ACTN2: variants seen among roughly 807,000 people sequenced by gnomAD.
The protein encoded by ACTN2 is alpha-actinin-2.
ACTN2 carries 39 observed loss-of-function variants against 113.8 expected under a neutral mutation model. That is an observed-to-expected ratio of 0.34 (90% confidence interval 0.27 to 0.45). ACTN2 has a LOEUF of 0.45. Ranked by LOEUF, ACTN2 falls within the 20% of genes least tolerant of loss-of-function variation. The probability of loss-of-function intolerance (pLI) is 1.00; values close to 1 mark genes in which losing one functional copy is unlikely to be tolerated. For missense variants in ACTN2, 992 were observed against 1,177.9 expected, an observed-to-expected ratio of 0.84 and a Z score of 2.31; for synonymous variants, 429 against 444.1, an observed-to-expected ratio of 0.97 and a Z score of 0.43.
chr1:236,749,380 T>A, intron 14 of ACTN2, 116 bp downstream of exon 14: 1 of 1,420,152 alleles, frequency 7.0e-7, no homozygotes, highest in Non-Finnish European at 9.6e-7. Flanking sequence ...TTAACAAATG[T>A]GGCTAGAAAG....
At chr1:236,761,432 C>CGCGT (rs1659705112) in intron 20 of ACTN2, among the ~76,000 whole-genome samples, 3 of 150,426 alleles carry the variant, frequency 2.0e-5, no homozygotes, top group African/African-American at 4.9e-5. Context: ...TTTGTACTTG[C>CGCGT]GTGTGTGTGT....
At chr1:236,699,883 T>C (rs1657623620) in intron 1 of ACTN2, among the ~76,000 whole-genome samples, 1 of 152,200 alleles carries the variant, frequency 6.6e-6, no homozygotes, top group Admixed American at 6.5e-5. Flanking sequence ...AAAATAAGTT[T>C]GAATGGTTAA....
chr1:236,744,659 A>C lies in ACTN2; in HGVS notation c.1289A>C (p.Glu430Ala). Residue 430 changes from glutamate to alanine, a missense_variant, in exon 12 of 21, where the codon GAG becomes GCG. Physicochemically the swap from Glu to Ala is moderately radical, Grantham distance 107. Coordinates refer to ENST00000366578, the MANE Select transcript of ACTN2 (RefSeq NM_001103.4). ...CAGATCTTGCTGCAGAAGGATTACGAGTCGGCGTCGCTGACAGAGGTGCGG... is the reference window on the plus strand; with the variant it reads ...CAGATCTTGCTGCAGAAGGATTACGCGTCGGCGTCGCTGACAGAGGTGCGG... ...KEQILLQKDY[E>A]SASLTEVRAL... The C allele has an allele frequency of 6.2e-7, 1 of 1,614,222 alleles. No individual in the cohort carries two copies. Among genetic ancestry groups the C allele is most frequent in the Non-Finnish European group, 8.5e-7 (1 of 1,180,036 alleles).
chr1:236,744,186 T>C (rs1388641090), intron 11 of ACTN2, among the ~76,000 whole-genome samples: 2 of 152,248 alleles, frequency 1.3e-5, no homozygotes, highest in East Asian at 3.9e-4. Flanking sequence ...ACACAGAGTA[T>C]AGCTTTCAAA....
At chr1:236,751,743 C>T (rs780387506) in intron 15 of ACTN2, 91 bp downstream of exon 15, 67 of 1,471,674 alleles carry the variant, frequency 4.6e-5, no homozygotes, top group South Asian at 8.1e-5. Flanking sequence ...CTTAGGGTGA[C>T]GGCCTCATTT....
At chr1:236,707,214 A>T (rs1657850783) in intron 1 of ACTN2, among the ~76,000 whole-genome samples, 1 of 152,258 alleles carries the variant, frequency 6.6e-6, no homozygotes, top group South Asian at 2.1e-4. Flanking sequence ...AAATGAAGAT[A>T]TGTTAATGAT....
intron 6 of ACTN2, among the ~76,000 whole-genome samples, chr1:236,728,469 C>T (rs963694343): frequency 6.6e-6 from 1 of 152,160 alleles, no homozygotes; most frequent in African/African-American, 2.4e-5. Flanking sequence ...AAGTCAAGTT[C>T]CCTTGACTTT....
At position 236,755,009 on chromosome 1, in the gene ACTN2, C is replaced by T. The variant is rs755456595; in HGVS notation, c.1975-10C>T. 3 of 1,614,104 alleles carry T rather than the reference C, an allele frequency of 1.9e-6. No homozygotes were observed. The highest frequency in any genetic ancestry group is 2.5e-6 in the Non-Finnish European group (3 of 1,180,000). On this transcript the variant is annotated splice_polypyrimidine_tract_variant and intron_variant, in intron 16 of 20. Coordinates refer to ENST00000366578, the MANE Select transcript of ACTN2 (RefSeq NM_001103.4). ...GCTTCTCTCTCTGCTTGCTCACTCGCCCCCCTCAGGAGATTGCCCGGAGCT... is the reference window on the plus strand; with the variant it reads ...GCTTCTCTCTCTGCTTGCTCACTCGTCCCCCTCAGGAGATTGCCCGGAGCT...
Position 236,698,528 on chromosome 1 carries a change from A to G in ACTN2, c.126+11729A>G, listed in dbSNP as rs549843909. Among the ~76,000 whole-genome samples the G allele has an allele frequency of 5.3e-5, 8 of 152,288 alleles. No individual in the cohort carries two copies. The East Asian group carries it at 1.5e-3, about 29-fold the overall frequency. ...TGGTCAGATTAGAAAAATACAAACC[A>G]TGCGTTTTGTGTTTTATAGACTGTA... On this transcript the variant is annotated intron_variant, in intron 1 of 20. Coordinates refer to ENST00000366578, the MANE Select transcript of ACTN2 (RefSeq NM_001103.4).
chr1:236,711,940 G>C (rs940760292), intron 1 of ACTN2, among the ~76,000 whole-genome samples: 3 of 152,108 alleles, frequency 2.0e-5, no homozygotes, highest in Non-Finnish European at 1.5e-5. Context: ...TTTCTTCTGT[G>C]GTCTGTATCT....
At chr1:236,719,485 T>C (rs1478695090) in intron 3 of ACTN2, among the ~76,000 whole-genome samples, 5 of 152,180 alleles carry the variant, frequency 3.3e-5, no homozygotes, top group Non-Finnish European at 4.4e-5. Flanking sequence ...TTCTCTTTAT[T>C]TGATTATTTA....
intron 4 of ACTN2, 24 bp from the exon 5 acceptor site, chr1:236,725,909 A>G (rs1311299548): frequency 2.5e-6 from 4 of 1,612,296 alleles, no homozygotes; most frequent in East Asian, 4.5e-5. Flanking sequence ...CCCTGGGGCC[A>G]CTTTTTCTTG....
intron 10 of ACTN2, among the ~76,000 whole-genome samples, chr1:236,742,419 T>G (rs1370592704): frequency 6.6e-6 from 1 of 152,060 alleles, no homozygotes; most frequent in African/African-American, 2.4e-5. Context: ...AGAGTTGTTT[T>G]GGAAGCCAGG....
chr1:236,734,494 T>G, intron 7 of ACTN2: 1 of 1,535,650 alleles, frequency 6.5e-7, no homozygotes, highest in Non-Finnish European at 8.7e-7. Flanking sequence ...CCTGTTACTA[T>G]CATGCTTTTG....
intron 1 of ACTN2, among the ~76,000 whole-genome samples, chr1:236,695,414 GAA>G (rs58669150): frequency 8.7e-5 from 9 of 102,928 alleles, no homozygotes; most frequent in African/African-American, 1.1e-4. Context: ...TGCTGTGTCT[GAA>G]AAAAAAAAAA....
At chr1:236,720,045 A>C in intron 3 of ACTN2, 60 bp from the exon 4 acceptor site, 1 of 1,219,038 alleles carries the variant, frequency 8.2e-7, no homozygotes, top group South Asian at 1.2e-5. Context: ...TATATATAGG[A>C]AAAAAGTTAC....
rs560986621 is a variant in ACTN2, at chr1:236,734,113, G to A, written c.698-1522G>A. 2.6e-5 allele frequency among the ~76,000 whole-genome samples: 4 copies of A among 152,300 alleles called. No homozygotes were observed. The South Asian group carries it at 8.3e-4, about 32-fold the overall frequency. Reference sequence around the variant, plus strand: ...AGTAATAGAAAGTCCTGGTGAGTGTGCTGGTGTGTGCACTCTGTTCAATTC... The same window carrying A: ...AGTAATAGAAAGTCCTGGTGAGTGTACTGGTGTGTGCACTCTGTTCAATTC... On this transcript the variant is annotated intron_variant, in intron 7 of 20. Coordinates refer to ENST00000366578, the MANE Select transcript of ACTN2 (RefSeq NM_001103.4).
chr1:236,733,751 T>C (rs1212853557), intron 7 of ACTN2, among the ~76,000 whole-genome samples: 1 of 152,134 alleles, frequency 6.6e-6, no homozygotes. Context: ...CAGGTCCAGG[T>C]CTCCTCAGAT....
In ACTN2 at chr1:236,739,422, C is replaced by T; in HGVS notation, c.997C>T (p.Pro333Ser). ...FRDYRRKHKP[P>S]KVQEKCQLEI... ...GGATTACCGCCGGAAGCACAAGCCACCCAAGGTGCAGGAGAAATGCCAGCT... is the reference window on the plus strand; with the variant it reads ...GGATTACCGCCGGAAGCACAAGCCATCCAAGGTGCAGGAGAAATGCCAGCT... The change falls in exon 10 of 21, where the codon CCC (proline) becomes TCC (serine). Residue 333 changes from proline (P) to serine (S), a missense_variant. Physicochemically the swap from Pro to Ser is moderately conservative, Grantham distance 74. Around this residue, in one of 3 missense-constraint regions of ACTN2, gnomAD observed 736 missense variants for 815.4 expected, o/e 0.90. Transcript: ENST00000366578. The T allele has an allele frequency of 6.2e-7, 1 of 1,614,108 alleles. No individual in the cohort carries two copies.
Sources: allele counts gnomAD v4.1 joint callset (sites outside exome capture counted in the v4.1 genomes callset), GRCh38; gene constraint gnomAD v4.1.1; regional missense constraint gnomAD v4.1.1; transcripts MANE v1.5; gene names NCBI Gene and HGNC (gene_info 2026-07-23, HGNC 2026-07-21).